The following IGSF21 variants were observed in gnomAD, a reference collection of about 807,000 sequenced individuals.
IGSF21 encodes the protein immunoglobulin superfamily member 21.
IGSF21 carries 28 observed loss-of-function variants against 46.8 expected under a neutral mutation model. The ratio of observed to expected loss-of-function variants is 0.60; its 90% CI spans 0.44 to 0.82. IGSF21 has a LOEUF of 0.82. Among genes scored for constraint, IGSF21 ranks in the 40% least tolerant of loss-of-function variants. The pLI is 0.00. For missense variants in IGSF21, 624 were observed against 665.5 expected (o/e 0.94, Z 0.69); for synonymous variants, 284 against 273.6 (o/e 1.04, Z -0.38).
rs1423293485 is a variant in IGSF21, at chr1:18,108,069, G to T, written c.-60G>T. 4 of 809,814 alleles carry T rather than the reference G, an allele frequency of 4.9e-6. No homozygotes were observed. In the Admixed American group the frequency reaches 1.1e-4, roughly 22 times the overall value. The allele number at this position is 809,814 out of a possible 1,614,324, so 50.2% of individuals were successfully genotyped here. On this transcript the variant is annotated 5_prime_UTR_variant, in exon 1 of 10. Transcript: ENST00000251296. ...AGCGCGTCTGAGCCCATGGCGAGGG[G>T]ACCCGCCGCCACCGCCTCCACCCCC... is the stretch of plus-strand genomic sequence containing the variant.
At chr1:18,215,508 C>T (rs551100667) in intron 1 of IGSF21, among the ~76,000 whole-genome samples, 37 of 152,288 alleles carry the variant, frequency 2.4e-4, no homozygotes, top group African/African-American at 8.4e-4. Flanking sequence ...GAGTGTACAT[C>T]AGGAGTGGTC....
chr1:18,179,616 C>A (rs373426090), intron 1 of IGSF21, among the ~76,000 whole-genome samples: 95 of 151,968 alleles, frequency 6.3e-4, no homozygotes, highest in Non-Finnish European at 1.2e-3. Context: ...CCCTACTGGG[C>A]CTGATGGAGG....
intron 1 of IGSF21, among the ~76,000 whole-genome samples, chr1:18,192,377 T>G (rs2086966316): frequency 1.3e-5 from 2 of 152,234 alleles, no homozygotes; most frequent in Admixed American, 6.5e-5. Flanking sequence ...CTCAGTTTTC[T>G]CATCTGCAAG....
intron 1 of IGSF21, among the ~76,000 whole-genome samples, chr1:18,200,007 C>T (rs1298702025): frequency 4.6e-5 from 7 of 152,048 alleles, no homozygotes; most frequent in East Asian, 1.9e-4. Flanking sequence ...AGACAAAGAC[C>T]CCAAGCCCCT....
intron 6 of IGSF21, among the ~76,000 whole-genome samples, chr1:18,375,371 CTG>C (rs1306354837): frequency 6.6e-6 from 1 of 152,146 alleles, no homozygotes; most frequent in Non-Finnish European, 1.5e-5. Flanking sequence ...ACATGGTTAA[CTG>C]GCTCTGTGAG....
intron 2 of IGSF21, among the ~76,000 whole-genome samples, chr1:18,278,375 G>A (rs1347215052): frequency 3.3e-4 from 50 of 151,908 alleles, no homozygotes; most frequent in Admixed American, 3.1e-3. Flanking sequence ...GAGTAGCTGG[G>A]ATTACAGGCG....
At chr1:18,138,001 C>T (rs1261395265) in intron 1 of IGSF21, among the ~76,000 whole-genome samples, 2 of 152,086 alleles carry the variant, frequency 1.3e-5, no homozygotes, top group Non-Finnish European at 2.9e-5. Context: ...TCTGACCTGG[C>T]GATAGAAGCC....
intron 2 of IGSF21, among the ~76,000 whole-genome samples, chr1:18,238,938 C>A (rs1230552788): frequency 6.6e-6 from 1 of 152,168 alleles, no homozygotes; most frequent in South Asian, 2.1e-4. Flanking sequence ...TCCCACCTTG[C>A]GGTCAACCTC....
At chr1:18,113,273 T>A (rs2086158784) in intron 1 of IGSF21, 1 of 152,094 alleles carries the variant, frequency 6.6e-6, no homozygotes, top group African/African-American at 2.4e-5. Context: ...GGTGGTGAGA[T>A]CCTGGAACCC....
intron 3 of IGSF21, among the ~76,000 whole-genome samples, chr1:18,316,483 A>G (rs1042635663): frequency 1.3e-5 from 2 of 151,862 alleles, no homozygotes; most frequent in Admixed American, 6.6e-5. Flanking sequence ...CCTCTATCCA[A>G]CCTTGAACTC....
At chr1:18,310,035 C>A (rs1328958355) in intron 3 of IGSF21, among the ~76,000 whole-genome samples, 1 of 152,294 alleles carries the variant, frequency 6.6e-6, no homozygotes, top group East Asian at 1.9e-4. Flanking sequence ...CTTTACACAC[C>A]ACTAAAGATC....
At chr1:18,305,427 G>T (rs1479493671) in intron 3 of IGSF21, among the ~76,000 whole-genome samples, 2 of 151,372 alleles carry the variant, frequency 1.3e-5, no homozygotes, top group East Asian at 2.0e-4. Flanking sequence ...ATGGATAGAT[G>T]GATGGATTAT....
At chr1:18,257,177 A>AT (rs959564122) in intron 2 of IGSF21, among the ~76,000 whole-genome samples, 3 of 152,146 alleles carry the variant, frequency 2.0e-5, no homozygotes, top group African/African-American at 7.2e-5. Context: ...GAGGGAAATT[A>AT]TTTTTTAAAG....
At chr1:18,310,786 G>A (rs1210563800) in intron 3 of IGSF21, among the ~76,000 whole-genome samples, 2 of 152,176 alleles carry the variant, frequency 1.3e-5, no homozygotes, top group African/African-American at 2.4e-5. Context: ...TCCTCTGAAA[G>A]CTCCAAGGAA....
chr1:18,161,670 G>A (rs1012896471), intron 1 of IGSF21, among the ~76,000 whole-genome samples: 5 of 152,160 alleles, frequency 3.3e-5, no homozygotes, highest in African/African-American at 1.2e-4. Context: ...ATGAAACGGG[G>A]TTAAACAAAC....
At chr1:18,219,173 C>T (rs1208530682) in intron 1 of IGSF21, among the ~76,000 whole-genome samples, 1 of 152,124 alleles carries the variant, frequency 6.6e-6, no homozygotes, top group Non-Finnish European at 1.5e-5. Flanking sequence ...AGGAGTAAAG[C>T]AGGGTAATAA....
At chr1:18,224,024 T>C (rs968057010) in intron 1 of IGSF21, among the ~76,000 whole-genome samples, 22 of 152,128 alleles carry the variant, frequency 1.4e-4, no homozygotes, top group Non-Finnish European at 2.9e-4. Context: ...CGACATTTGT[T>C]TTCAAGGACT....
chr1:18,132,549 C>A (rs972088447), intron 1 of IGSF21, among the ~76,000 whole-genome samples: 10 of 152,200 alleles, frequency 6.6e-5, no homozygotes, highest in African/African-American at 2.4e-4. Context: ...TGAGCTAATT[C>A]CCACACTGCA....
At position 18,365,727 on chromosome 1, in the gene IGSF21, G is replaced by C. The variant is rs757826540; in HGVS notation, c.1015+30G>C. ...GACTTGGTGGGGGCCCTTCTGTAGA[G>C]CCCTTGCAGACCTGGGTGTGGGGAG... On this transcript the variant is annotated intron_variant, in intron 6 of 9. Coordinates refer to ENST00000251296, the MANE Select transcript of IGSF21 (RefSeq NM_032880.5). The surrounding 1 kb of genome is among the most constrained non-coding windows in gnomAD (Gnocchi z 4.8). 1 of 1,564,000 alleles carries C rather than the reference G, an allele frequency of 6.4e-7. No individual in the cohort carries two copies. Among genetic ancestry groups the C allele is most frequent in the South Asian group, 1.2e-5 (1 of 85,620 alleles).
Sources: gnomAD v4.1 joint callset for allele counts (sites outside exome capture counted in the v4.1 genomes callset) on GRCh38, gnomAD v4.1.1 for gene constraint, Gnocchi (gnomAD v3.1) non-coding constraint, MANE v1.5 for transcripts, NCBI Gene and HGNC (gene_info 2026-07-23, HGNC 2026-07-21) for gene names.